Variants in TUSC3 observed in about 807,000 individuals in gnomAD.
TUSC3 encodes the protein tumor suppressor candidate 3, also known as dolichyl-diphosphooligosaccharide--protein glycosyltransferase subunit TUSC3.
In TUSC3, 45 loss-of-function variants were observed where a neutral mutation model predicts 44.8. That is an observed-to-expected ratio of 1.00 (90% CI 0.79 to 1.29). TUSC3 has a LOEUF of 1.29. Among genes scored for constraint, TUSC3 ranks in the 50% most tolerant of loss-of-function variants. The probability of loss-of-function intolerance (pLI) is 0.00; values close to 1 mark genes in which losing one functional copy is unlikely to be tolerated. For synonymous variants in TUSC3, 212 were observed against 152.9 expected, an observed-to-expected ratio of 1.39 and a Z score of -2.85; for missense variants, 519 against 437.9, an observed-to-expected ratio of 1.19 and a Z score of -1.65.
At chr8:15,811,823 C>G in the TUSC3 span, among the ~76,000 whole-genome samples, 1 of 152,016 alleles carries the variant, frequency 6.6e-6, no homozygotes, top group African/African-American at 2.4e-5. Context: ...TCCTTGAGGG[C>G]TGTCACATTT....
At position 15,460,260 on chromosome 8, in the gene TUSC3, G is replaced by A. The variant is rs116629171; in HGVS notation, n.92-23126G>A. On this transcript the variant is annotated intron_variant and non_coding_transcript_variant, in intron 1 of 5. Transcript: ENST00000503191. Reference sequence around the variant, plus strand: ...TGGAGTAAGTTGGTATCGCATTGTCGTTTTGATTTGCAGTTCCCTGATTGT... The same window carrying A: ...TGGAGTAAGTTGGTATCGCATTGTCATTTTGATTTGCAGTTCCCTGATTGT... Among the ~76,000 whole-genome samples the A allele has an allele frequency of 3.3e-3, 507 of 152,142 alleles. 1 individual carries two copies. The highest frequency in any genetic ancestry group is 0.012 in the African/African-American group (478 of 41,520).
intron 6 of TUSC3, among the ~76,000 whole-genome samples, chr8:15,679,132 T>C (rs188212990): frequency 6.6e-6 from 1 of 152,306 alleles, no homozygotes. Context: ...AGTAACGAGA[T>C]TGCTAGGTAG....
chr8:15,595,228 C>G (rs1220933392), intron 1 of TUSC3, among the ~76,000 whole-genome samples: 1 of 152,186 alleles, frequency 6.6e-6, no homozygotes, highest in African/African-American at 2.4e-5. Context: ...TTCCCAGCCT[C>G]TGGTAATTTC....
At chr8:15,457,791 T>C (rs58863041) in intron 1 of TUSC3, among the ~76,000 whole-genome samples, 23,125 of 145,228 alleles carry the variant, frequency 0.16, 1,961 homozygotes, top group Admixed American at 0.25. Context: ...TTAGATTATC[T>C]AATCTAAAAT....
intron 1 of TUSC3, among the ~76,000 whole-genome samples, chr8:15,421,388 C>A (rs184027344): frequency 2.0e-5 from 3 of 152,254 alleles, no homozygotes; most frequent in East Asian, 3.9e-4. Context: ...ACGGTAGTAA[C>A]TCTCTCTTGC....
intron 6 of TUSC3, among the ~76,000 whole-genome samples, chr8:15,685,835 T>C (rs1162934971): frequency 6.6e-6 from 1 of 151,704 alleles, no homozygotes. Flanking sequence ...GAGTATTTTG[T>C]TGGGTATTCA....
the TUSC3 span, among the ~76,000 whole-genome samples, chr8:15,841,425 T>G: frequency 6.6e-6 from 1 of 152,200 alleles, no homozygotes; most frequent in African/African-American, 2.4e-5. Flanking sequence ...TCTAATATAA[T>G]CAGCCAAACT....
the TUSC3 span, chr8:15,806,767 A>T: frequency 1.3e-6 from 1 of 786,704 alleles, no homozygotes; most frequent in Admixed American, 2.1e-5. Context: ...AGCCACCTGC[A>T]TTCTGAATTC....
intron 1 of TUSC3, among the ~76,000 whole-genome samples, chr8:15,605,545 A>T (rs1804484679): frequency 6.6e-6 from 1 of 151,870 alleles, no homozygotes; most frequent in South Asian, 2.1e-4. Flanking sequence ...ATATTGGAAA[A>T]TTTTTTTAAG....
At chr8:15,527,914 C>G (rs1488583967) in intron 2 of TUSC3, among the ~76,000 whole-genome samples, 1 of 152,128 alleles carries the variant, frequency 6.6e-6, no homozygotes, top group Non-Finnish European at 1.5e-5. Flanking sequence ...AAACAATTTT[C>G]TTTTAGTAAT....
chr8:15,739,425 T>C (rs1811092269), intron 7 of TUSC3, among the ~76,000 whole-genome samples: 2 of 152,182 alleles, frequency 1.3e-5, no homozygotes, highest in South Asian at 4.1e-4. Flanking sequence ...CTTAAAATTT[T>C]CATGTTGACT....
chr8:15,767,508 T>C (rs2543112), downstream of TUSC3, among the ~76,000 whole-genome samples: 87,349 of 151,610 alleles, frequency 0.58, 25,210 homozygotes, highest in African/African-American at 0.62. Context: ...CAAACCACTG[T>C]TTAAAACAAG....
chr8:15,686,991 T>G (rs1808659565), intron 6 of TUSC3, among the ~76,000 whole-genome samples: 1 of 152,112 alleles, frequency 6.6e-6, no homozygotes, highest in Admixed American at 6.5e-5. Flanking sequence ...GAGAATGGCC[T>G]GAACCCGGGA....
intron 1 of TUSC3, among the ~76,000 whole-genome samples, chr8:15,611,562 A>C (rs191908984): frequency 6.6e-6 from 1 of 152,236 alleles, no homozygotes; most frequent in East Asian, 1.9e-4. Context: ...AGAGACCATG[A>C]TTTGCTGAGT....
At chr8:15,672,499 C>T (rs1018949869) in intron 5 of TUSC3, among the ~76,000 whole-genome samples, 2 of 152,022 alleles carry the variant, frequency 1.3e-5, no homozygotes, top group Non-Finnish European at 2.9e-5. Flanking sequence ...TGGACTTGCT[C>T]AAGGTTGCAC....
At position 15,633,849 on chromosome 8, in the gene TUSC3, A is replaced by G. The variant is rs551413856; in HGVS notation, c.308+10600A>G. On this transcript the variant is annotated intron_variant, in intron 2 of 10. Transcript: ENST00000503731. Reference sequence around the variant, plus strand: ...TTTTTTTGTTTTGTTTAAGCCATCCAGTTTGTGATACTTTGTTATGGCCAC... The same window carrying G: ...TTTTTTTGTTTTGTTTAAGCCATCCGGTTTGTGATACTTTGTTATGGCCAC... Among the ~76,000 whole-genome samples the G allele has an allele frequency of 2.6e-5, 4 of 152,294 alleles. No individual in the cohort carries two copies. In the East Asian group the frequency reaches 5.8e-4, roughly 22 times the overall value.
At chr8:15,661,014 C>G (rs1807399293) in intron 4 of TUSC3, among the ~76,000 whole-genome samples, 1 of 151,454 alleles carries the variant, frequency 6.6e-6, no homozygotes, top group African/African-American at 2.4e-5. Context: ...TTTAGGTTCA[C>G]CTATTGTTAA....
At chr8:15,681,982 C>G (rs1477927620) in intron 6 of TUSC3, among the ~76,000 whole-genome samples, 1 of 151,926 alleles carries the variant, frequency 6.6e-6, no homozygotes, top group Non-Finnish European at 1.5e-5. Context: ...TTGAGATTTC[C>G]TCTTGATATT....
At chr8:15,453,573 C>T (rs921578172) in intron 1 of TUSC3, among the ~76,000 whole-genome samples, 3 of 152,180 alleles carry the variant, frequency 2.0e-5, no homozygotes, top group Admixed American at 6.5e-5. Context: ...GTTTCATTAG[C>T]GATGACTGCC....
Sources: allele counts gnomAD v4.1 joint callset (sites outside exome capture counted in the v4.1 genomes callset), GRCh38; gene constraint gnomAD v4.1.1; transcripts MANE v1.5; gene names NCBI Gene and HGNC (gene_info 2026-07-23, HGNC 2026-07-21).